The following TNFRSF10B variants were observed in gnomAD, a reference collection of about 807,000 sequenced individuals.
TNFRSF10B encodes TNF receptor superfamily member 10b.
Under a neutral mutation model 41.4 loss-of-function variants are expected in TNFRSF10B, and 35 were observed. The ratio of observed to expected loss-of-function variants is 0.85; its 90% CI spans 0.65 to 1.12. The LOEUF (loss-of-function observed/expected upper bound fraction) is 1.12. Among genes scored for constraint, TNFRSF10B ranks in the 50% most tolerant of loss-of-function variants. The pLI is 0.00. For synonymous variants in TNFRSF10B, 230 were observed against 215.5 expected, an observed-to-expected ratio of 1.07 and a Z score of -0.59; for missense variants, 584 against 552.7, an observed-to-expected ratio of 1.06 and a Z score of -0.57.
chr8:23,026,703 G>A (rs759400665), intron 7 of TNFRSF10B, among the ~76,000 whole-genome samples: 12 of 152,162 alleles, frequency 7.9e-5, no homozygotes, highest in African/African-American at 1.2e-4. Context: ...TTTGTGCATC[G>A]ACTTGGAATC....
At chr8:23,023,039 A>G in intron 8 of TNFRSF10B, 55 bp from the exon 9 acceptor site, 2 of 1,591,792 alleles carry the variant, frequency 1.3e-6, no homozygotes, top group Non-Finnish European at 1.7e-6. Context: ...GAAAGGGCAG[A>G]GGATTCCACA....
chr8:23,039,101 C>T (rs528616915), intron 2 of TNFRSF10B, among the ~76,000 whole-genome samples: 5 of 151,916 alleles, frequency 3.3e-5, no homozygotes, highest in South Asian at 2.1e-4. Context: ...ATTAGATTCT[C>T]ATAAGGAGTG....
At chr8:23,029,393 A>C (rs1314660089) in intron 4 of TNFRSF10B, among the ~76,000 whole-genome samples, 3 of 152,166 alleles carry the variant, frequency 2.0e-5, no homozygotes, top group Non-Finnish European at 4.4e-5. Context: ...GTGGTCAGTG[A>C]ACAAGTCAGC....
intron 2 of TNFRSF10B, among the ~76,000 whole-genome samples, chr8:23,032,377 CT>C (rs1158282654): frequency 5.3e-5 from 8 of 152,196 alleles, no homozygotes; most frequent in African/African-American, 1.9e-4. Flanking sequence ...CGGGAGGAAT[CT>C]CTATAGAGTC....
intron 1 of TNFRSF10B, among the ~76,000 whole-genome samples, chr8:23,066,520 C>G (rs1173707791): frequency 6.6e-6 from 1 of 152,096 alleles, no homozygotes; most frequent in Non-Finnish European, 1.5e-5. Flanking sequence ...AGCTCTGATA[C>G]AAAATCTAAC....
Position 23,027,371 on chromosome 8 carries a change from G to C in TNFRSF10B, c.781-83C>G, listed in dbSNP as rs546339321. ...GCTGCAGGGTCCTCAGTATGCAGCT[G>C]CACCTGACATCCCCACCCCCTCTCA... On this transcript the variant is annotated intron_variant, in intron 6 of 8. Coordinates refer to ENST00000276431, the MANE Select transcript of TNFRSF10B (RefSeq NM_003842.5). 2.0e-6 allele frequency: 3 copies of C among 1,530,814 alleles called. No homozygotes were observed. In the African/African-American group the frequency reaches 4.1e-5, roughly 21 times the overall value. 94.8% of individuals were successfully genotyped at this position (1,530,814 alleles called of 1,614,324 possible). A position where few individuals can be genotyped will look rare whatever the true frequency, so the allele number is the denominator to read the frequency against.
At chr8:23,045,860 A>T (rs1400077340) in intron 1 of TNFRSF10B, among the ~76,000 whole-genome samples, 1 of 152,246 alleles carries the variant, frequency 6.6e-6, no homozygotes, top group Non-Finnish European at 1.5e-5. Context: ...CATTAGATGT[A>T]GAAAAAGCAT....
At chr8:23,055,365 C>T (rs753698294) in intron 1 of TNFRSF10B, among the ~76,000 whole-genome samples, 2 of 152,100 alleles carry the variant, frequency 1.3e-5, no homozygotes, top group Non-Finnish European at 2.9e-5. Context: ...GACACCCCAT[C>T]TCCCTACGAT....
At chr8:23,056,764 T>C (rs1217235150) in intron 1 of TNFRSF10B, among the ~76,000 whole-genome samples, 3 of 152,156 alleles carry the variant, frequency 2.0e-5, no homozygotes, top group Admixed American at 2.0e-4. Context: ...CTTTGAACCA[T>C]GGATTATTTA....
Position 23,043,195 on chromosome 8 carries a change from G to A in TNFRSF10B, c.193C>T (p.Gln65Ter), listed in dbSNP as rs1563315889. ...CTCTTTTGTTGTGGGGCCGCTCTCT[G>A]CTGGGGAGCTAGGTCTTGTTGGGTG... ...LITQQDLAPQ[Q>*]RAAPQQKRSS... The change falls in exon 2 of 9, where the codon CAG becomes TAG. Residue 65 changes from glutamine to a stop codon, truncating the protein, a stop_gained. Transcript: ENST00000276431. LOFTEE classifies it high-confidence loss of function. 3 of 1,614,134 alleles carry A rather than the reference G, an allele frequency of 1.9e-6. No homozygotes were observed. The highest frequency in any genetic ancestry group is 2.5e-6 in the Non-Finnish European group (3 of 1,180,018).
chr8:23,043,691 G>A (rs1159510682), intron 1 of TNFRSF10B, among the ~76,000 whole-genome samples: 1 of 152,096 alleles, frequency 6.6e-6, no homozygotes, highest in African/African-American at 2.4e-5. Context: ...TTAAAAAATT[G>A]GGATACAGGA....
rs547913974 is a variant in TNFRSF10B at position 23,067,417 on chromosome 8, C to CA, written c.144+1333dup. Among the ~76,000 whole-genome samples, 505 of 150,820 alleles carry CA rather than the reference C, an allele frequency of 3.3e-3. 1 individual carries two copies. Among genetic ancestry groups the CA allele is most frequent in the African/African-American group, 0.012 (488 of 41,112 alleles). ...TAGAAAGAACATGAAAGTCTAAAGC[C>CA]AAAAATCCAAAAAATTCTTTATAGA... On this transcript the variant is annotated intron_variant, in intron 1 of 8. Coordinates refer to ENST00000276431, the MANE Select transcript of TNFRSF10B (RefSeq NM_003842.5).
Position 23,022,601 on chromosome 8 carries a change from G to A in TNFRSF10B, c.*70C>T. 1.3e-6 allele frequency: 2 copies of A among 1,551,446 alleles called. No individual in the cohort carries two copies. The highest frequency in any genetic ancestry group is 1.8e-6 in the Non-Finnish European group (2 of 1,127,514). On this transcript the variant is annotated 3_prime_UTR_variant, in exon 9 of 9. Transcript: ENST00000276431. ...AATTGTGGCACTTTCCTACTGACTG[G>A]AGTCCAGTTGGGCTTTTTCCAGAAA...
At chr8:23,028,952 C>T (rs190501079) in intron 4 of TNFRSF10B, among the ~76,000 whole-genome samples, 169 of 152,298 alleles carry the variant, frequency 1.1e-3, no homozygotes, top group African/African-American at 3.7e-3. Context: ...AAGATGAGTC[C>T]GGTCTTCCAG....
intron 2 of TNFRSF10B, among the ~76,000 whole-genome samples, chr8:23,034,219 C>T (rs74844536): frequency 3.3e-5 from 5 of 152,190 alleles, no homozygotes; most frequent in Admixed American, 6.5e-5. Context: ...ATTACTCAAA[C>T]TAAGCTCAAG....
chr8:23,063,831 C>T (rs192208271), intron 1 of TNFRSF10B, among the ~76,000 whole-genome samples: 7 of 152,320 alleles, frequency 4.6e-5, no homozygotes, highest in Admixed American at 3.3e-4. Flanking sequence ...TGACAATGGC[C>T]TTGGTGACTC....
Position 23,030,884 on chromosome 8 carries a change from GAGAAAAGC to G in TNFRSF10B, c.251-20_251-13del. ...TGAGATATGGTGTCCTGGGAGGGGA[GAGAAAAGC>G]CGGTGAATGAAATGCCACAGGATTC... On this transcript the variant is annotated splice_polypyrimidine_tract_variant and intron_variant, in intron 2 of 8. Coordinates refer to ENST00000276431, the MANE Select transcript of TNFRSF10B (RefSeq NM_003842.5). 1 of 1,589,366 alleles carries G rather than the reference GAGAAAAGC, an allele frequency of 6.3e-7. No individual in the cohort carries two copies. Among genetic ancestry groups the G allele is most frequent in the South Asian group, 1.1e-5 (1 of 88,964 alleles).
chr8:23,027,694 C>G, intron 6 of TNFRSF10B, 28 bp downstream of exon 6: 2 of 1,613,924 alleles, frequency 1.2e-6, no homozygotes, highest in Non-Finnish European at 1.7e-6. Context: ...AACCCCTGAG[C>G]CCCCAGCTCC....
At chr8:23,042,537 A>G (rs1235525476) in intron 2 of TNFRSF10B, among the ~76,000 whole-genome samples, 1 of 152,088 alleles carries the variant, frequency 6.6e-6, no homozygotes, top group East Asian at 1.9e-4. Context: ...GGAGCGCCTC[A>G]CACTCAAGGC....
Sources: allele counts gnomAD v4.1 joint callset (sites outside exome capture counted in the v4.1 genomes callset), GRCh38; gene constraint gnomAD v4.1.1; transcripts MANE v1.5; gene names NCBI Gene and HGNC (gene_info 2026-07-23, HGNC 2026-07-21).